Variants in HSFX4 observed in about 807,000 individuals in gnomAD.
HSFX4 encodes heat shock transcription factor, X-linked member 4.
HSFX4 carries 1 observed loss-of-function variant against 5.2 expected under a neutral mutation model. The observed-to-expected ratio is 0.19, with a 90% CI of 0.07 to 0.91. The LOEUF is 0.91. Ranked by LOEUF, HSFX4 falls within the 40% of genes least tolerant of loss-of-function variation. HSFX4 has a pLI of 0.66. For synonymous variants in HSFX4, 24 were observed against 68.9 expected (o/e 0.35, Z 3.23); for missense variants, 50 against 178.0 (o/e 0.28, Z 4.09).
In HSFX4 at chrX:149,929,974, C is replaced by T. The variant is rs782267218; in HGVS notation, c.330C>T (p.Ile110=). 36 of 1,088,245 alleles carry T rather than the reference C, an allele frequency of 3.3e-5. 1 individual carries two copies. In the Middle Eastern group the frequency reaches 7.5e-4, roughly 23 times the overall value. The allele number at this position is 1,088,245 out of a possible 1,213,427, so 89.7% of individuals were successfully genotyped here. Residue 110 remains isoleucine, a synonymous_variant, in exon 1 of 2, where the codon ATC becomes ATT. Transcript: ENST00000457775. The part of the protein sequence containing the change: ...SWNDDGDAVI[I]DKDLFQREVL... ...ACGATGATGGAGACGCCGTGATCAT[C>T]GACAAGGATCTCTTCCAGAGGGAGG...
Position 149,931,259 on chromosome X carries a change from A to G in HSFX4, c.*154A>G, listed in dbSNP as rs1406304425. ...AATAAAGAAAAACAAAATTCCATGG[A>G]AATAAATAATAAACAATTTAAATGA... On this transcript the variant is annotated 3_prime_UTR_variant, in exon 2 of 2. Coordinates refer to ENST00000457775, the MANE Select transcript of HSFX4 (RefSeq NM_001351114.2). 3 of 411,230 alleles carry G rather than the reference A, an allele frequency of 7.3e-6. No individual in the cohort carries two copies. The highest frequency in any genetic ancestry group is 1.1e-5 in the Non-Finnish European group (3 of 276,130). 33.9% of individuals were successfully genotyped at this position (411,230 alleles called of 1,213,427 possible). A position where few individuals can be genotyped will look rare whatever the true frequency, so the allele number is the denominator to read the frequency against.
In HSFX4 at chrX:149,930,363, T is replaced by G. The variant is rs1404403810; in HGVS notation, c.484-224T>G. 3.4e-4 allele frequency among the ~76,000 whole-genome samples: 38 copies of G among 112,097 alleles called. 1 individual carries two copies. Among genetic ancestry groups the G allele is most frequent in the African/African-American group, 1.2e-3 (36 of 30,711 alleles). On this transcript the variant is annotated intron_variant, in intron 1 of 1. Transcript: ENST00000457775. ...CATCATATTTTGCAGACCTGCATAT[T>G]ACCTCTACGGGGTTGCAGTTTAATA...
rs1246654039 is a variant in HSFX4 at position 149,931,110 on chromosome X, G to T, written c.*5G>T. On this transcript the variant is annotated 3_prime_UTR_variant, in exon 2 of 2. Transcript: ENST00000457775. ...TCTGACGATGAGGAGGAGTAGGAAGGCTCCTCAGATTACAAGTGTAGACTC... is the reference window on the plus strand; with the variant it reads ...TCTGACGATGAGGAGGAGTAGGAAGTCTCCTCAGATTACAAGTGTAGACTC... 2 of 935,836 alleles carry T rather than the reference G, an allele frequency of 2.1e-6. No homozygotes were observed. The highest frequency in any genetic ancestry group is 2.6e-6 in the Non-Finnish European group (2 of 755,205). The allele number at this position is 935,836 out of a possible 1,213,427, so 77.1% of individuals were successfully genotyped here.
rs782726322 is a variant in HSFX4, at chrX:149,930,372, G to A, written c.484-215G>A. Among the ~76,000 whole-genome samples, 326 of 111,543 alleles carry A rather than the reference G, an allele frequency of 2.9e-3. 3 individuals are homozygous for A. The highest frequency in any genetic ancestry group is 9.2e-3 in the Middle Eastern group (2 of 217). ...TTGCAGACCTGCATATTACCTCTAC[G>A]GGGTTGCAGTTTAATATCAAAATCC... On this transcript the variant is annotated intron_variant, in intron 1 of 1. Transcript: ENST00000457775.
chrX:149,930,371 C>T (rs1398825556), intron 1 of HSFX4, among the ~76,000 whole-genome samples: 80 of 111,793 alleles, frequency 7.2e-4, no homozygotes, highest in Non-Finnish European at 6.6e-4. Flanking sequence ...ATTACCTCTA[C>T]GGGGTTGCAG....
rs1557374065 is a variant in HSFX4, at chrX:149,930,099, G to A, written c.455G>A (p.Ser152Asn). The change falls in exon 1 of 2, where the codon AGC becomes AAC. Residue 152 changes from serine to asparagine, a missense_variant. Physicochemically the swap from Ser to Asn is conservative, Grantham distance 46. Transcript: ENST00000457775. ...NLYGFCKTRP[S>N]NSPGNKKMMI... Reference sequence around the variant, plus strand: ...TATGGATTCTGCAAAACACGCCCAAGCAACTCTCCAGGAAACAAGAAAATG... The same window carrying A: ...TATGGATTCTGCAAAACACGCCCAAACAACTCTCCAGGAAACAAGAAAATG... 2.6e-6 allele frequency: 3 copies of A among 1,157,716 alleles called. No individual in the cohort carries two copies. The highest frequency in any genetic ancestry group is 3.4e-6 in the Non-Finnish European group (3 of 870,438).
chrX:149,930,066 T>C lies in HSFX4; in HGVS notation c.422T>C (p.Leu141Pro). ...TDNLTSFIRQ[L>P]NLYGFCKTRP... The stretch of plus-strand genomic sequence containing the variant: ...AACTTGACGAGTTTCATTCGCCAGC[T>C]GAACCTCTATGGATTCTGCAAAACA... The change falls in exon 1 of 2, where the codon CTG becomes CCG. Residue 141 changes from leucine to proline, a missense_variant. Physicochemically the swap from Leu to Pro is moderately conservative, Grantham distance 98. Coordinates refer to ENST00000457775, the MANE Select transcript of HSFX4 (RefSeq NM_001351114.2). 8.6e-7 allele frequency: 1 copy of C among 1,159,503 alleles called. No individual in the cohort carries two copies. The highest frequency in any genetic ancestry group is 1.1e-6 in the Non-Finnish European group (1 of 871,149).
rs1465248900 is a variant in HSFX4, at chrX:149,931,029, A to G, written c.926A>G (p.Asn309Ser). 6.7e-5 allele frequency: 63 copies of G among 935,313 alleles called. No individual in the cohort carries two copies. Among genetic ancestry groups the G allele is most frequent in the East Asian group, 8.4e-5 (2 of 23,947 alleles). 77.1% of individuals were successfully genotyped at this position (935,313 alleles called of 1,213,427 possible). A position where few individuals can be genotyped will look rare whatever the true frequency, so the allele number is the denominator to read the frequency against. ...SDNGSVMSLY[N>S]ICYYALLASL... Reference sequence around the variant, plus strand: ...AATGGTAGTGTAATGTCTTTGTACAATATCTGTTACTACGCTCTGTTGGCC... The same window carrying G: ...AATGGTAGTGTAATGTCTTTGTACAGTATCTGTTACTACGCTCTGTTGGCC... The change falls in exon 2 of 2, where the codon AAT becomes AGT. Residue 309 changes from asparagine (N) to serine (S), a missense_variant. By Grantham distance (46) the Asn-to-Ser change is conservative. This residue lies in a region of HSFX4 where 19 missense variants were observed against 24.4 expected (regional missense o/e 0.78). Transcript: ENST00000457775.
chrX:149,930,297 A>T (rs1277620762), intron 1 of HSFX4, among the ~76,000 whole-genome samples, 170 bp downstream of exon 1: 1 of 112,236 alleles, frequency 8.9e-6, no homozygotes, highest in African/African-American at 3.3e-5. Flanking sequence ...AAAAGTATGG[A>T]TTTTGATATT....
At chrX:149,930,384 T>G (rs1185390321) in intron 1 of HSFX4, among the ~76,000 whole-genome samples, 13 of 112,145 alleles carry the variant, frequency 1.2e-4, no homozygotes, top group Non-Finnish European at 2.4e-4. Flanking sequence ...GGTTGCAGTT[T>G]AATATCAAAA....
chrX:149,931,017 TG>T lies in HSFX4; in HGVS notation c.915del (p.Met305IlefsTer56), dbSNP rs2090866544. 2.1e-6 allele frequency: 2 copies of T among 934,572 alleles called. No homozygotes were observed. The allele number at this position is 934,572 out of a possible 1,213,427, so 77.0% of individuals were successfully genotyped here. Reference sequence around the variant, plus strand: ...GTTTACTCAGATAATGGTAGTGTAATGTCTTTGTACAATATCTGTTACTACG... The same window carrying T: ...GTTTACTCAGATAATGGTAGTGTAATTCTTTGTACAATATCTGTTACTACG... ...SLVYSDNGSV[M>X]SLYNICYYAL... On this transcript the variant is annotated frameshift_variant, in exon 2 of 2. Transcript: ENST00000457775. LOFTEE classifies it low-confidence loss of function (END_TRUNC).
In HSFX4 at chrX:149,931,163, T is replaced by C; in HGVS notation, c.*58T>C. The C allele has an allele frequency of 1.1e-6, 1 of 934,523 alleles. No homozygotes were observed. Among genetic ancestry groups the C allele is most frequent in the East Asian group, 4.2e-5 (1 of 24,079 alleles). 77.0% of individuals were successfully genotyped at this position (934,523 alleles called of 1,213,427 possible). On this transcript the variant is annotated 3_prime_UTR_variant, in exon 2 of 2. Coordinates refer to ENST00000457775, the MANE Select transcript of HSFX4 (RefSeq NM_001351114.2). ...TGAACAGTTCAGACACACTGCAAAT[T>C]CGTGAACTCACAGGCCACTAATGGC...
intron 1 of HSFX4, 148 bp from the exon 2 acceptor site, chrX:149,930,439 T>C (rs2090860547): frequency 2.6e-6 from 1 of 378,737 alleles, no homozygotes; most frequent in Non-Finnish European, 4.1e-6. Flanking sequence ...GAATTGTTTA[T>C]CTTTAGTCAG....
intron 1 of HSFX4, 85 bp downstream of exon 1, chrX:149,930,212 A>G (rs2090857759): frequency 4.6e-6 from 5 of 1,092,107 alleles, no homozygotes; most frequent in African/African-American, 3.8e-5. Flanking sequence ...AATATACTGT[A>G]AGAGCTTAAG....
Position 149,931,205 on chromosome X carries a change from T to A in HSFX4, c.*100T>A, listed in dbSNP as rs782613651. On this transcript the variant is annotated 3_prime_UTR_variant, in exon 2 of 2. Transcript: ENST00000457775. ...ACTAATGGCCCATAAAAGTTGCCAT[T>A]TTCTAATGAGAAACACATTTTTGGT... 1 of 870,972 alleles carries A rather than the reference T, an allele frequency of 1.1e-6. No homozygotes were observed. The highest frequency in any genetic ancestry group is 2.1e-5 in the African/African-American group (1 of 47,283). The allele number at this position is 870,972 out of a possible 1,213,427, so 71.8% of individuals were successfully genotyped here. A position where few individuals can be genotyped will look rare whatever the true frequency, so the allele number is the denominator to read the frequency against.
rs2090865176 is a variant in HSFX4, at chrX:149,930,848, A to C, written c.745A>C (p.Lys249Gln). 1 of 819,553 alleles carries C rather than the reference A, an allele frequency of 1.2e-6. No homozygotes were observed. Among genetic ancestry groups the C allele is most frequent in the African/African-American group, 2.5e-5 (1 of 40,217 alleles). The allele number at this position is 819,553 out of a possible 1,213,427, so 67.5% of individuals were successfully genotyped here. ...CTTCAGGCGCTCTGGCATGTGGTCC[A>C]AGAAGAGTGCCACTAGGCATCCCCT... ...QSFRRSGMWSKKSATRHPLGN... is the reference protein window; with the variant it reads ...QSFRRSGMWSQKSATRHPLGN... The change falls in exon 2 of 2, where the codon AAG becomes CAG. Residue 249 changes from lysine (K) to glutamine (Q), a missense_variant. Physicochemically the swap from Lys to Gln is moderately conservative, Grantham distance 53. Around this residue, in one of 3 missense-constraint regions of HSFX4, gnomAD observed 31 missense variants for 111.4 expected, o/e 0.28. Transcript: ENST00000457775.
At position 149,931,058 on chromosome X, in the gene HSFX4, C is replaced by T. The variant is rs2090867143; in HGVS notation, c.955C>T (p.Leu319Phe). ...NICYYALLAS[L>F]SVMSPNEPSD... ...CTGTTACTACGCTCTGTTGGCCTCC[C>T]TCTCAGTCATGTCTCCAAATGAGCC... is the stretch of plus-strand genomic sequence containing the variant. Residue 319 changes from leucine (L) to phenylalanine (F), a missense_variant, in exon 2 of 2, where the codon CTC becomes TTC. Leu to Phe is a conservative substitution (Grantham distance 22). This residue lies in a region of HSFX4 where 19 missense variants were observed against 24.4 expected (regional missense o/e 0.78). Transcript: ENST00000457775. 1 of 938,238 alleles carries T rather than the reference C, an allele frequency of 1.1e-6. No individual in the cohort carries two copies. Among genetic ancestry groups the T allele is most frequent in the African/African-American group, 2.0e-5 (1 of 49,250 alleles). The allele number at this position is 938,238 out of a possible 1,213,427, so 77.3% of individuals were successfully genotyped here. A position where few individuals can be genotyped will look rare whatever the true frequency, so the allele number is the denominator to read the frequency against.
At chrX:149,930,422 G>C (rs1203972253) in intron 1 of HSFX4, among the ~76,000 whole-genome samples, 165 bp from the exon 2 acceptor site, 2 of 110,505 alleles carry the variant, frequency 1.8e-5, no homozygotes, top group African/African-American at 6.6e-5. Context: ...TTACTGCCTT[G>C]ATCTATGAAT....
chrX:149,930,283 C>T lies in HSFX4; in HGVS notation c.483+156C>T, dbSNP rs782018057. Among the ~76,000 whole-genome samples, 595 of 112,149 alleles carry T rather than the reference C, an allele frequency of 5.3e-3. 12 individuals are homozygous for T. Among genetic ancestry groups the T allele is most frequent in the African/African-American group, 0.018 (565 of 30,711 alleles). On this transcript the variant is annotated intron_variant, in intron 1 of 1. Coordinates refer to ENST00000457775, the MANE Select transcript of HSFX4 (RefSeq NM_001351114.2). ...TTATTGAAAGATGAAAAGTATAGAA[C>T]TTAAAAAGTATGGATTTTGATATTA...
Sources: gnomAD v4.1 joint callset for allele counts (sites outside exome capture counted in the v4.1 genomes callset) on GRCh38, gnomAD v4.1.1 for gene constraint, gnomAD v4.1.1 regional missense constraint, MANE v1.5 for transcripts, NCBI Gene and HGNC (gene_info 2026-07-23, HGNC 2026-07-21) for gene names.